XPO6: variants seen among roughly 807,000 people sequenced by gnomAD.
XPO6 encodes exportin-6.
In XPO6, 3 loss-of-function variants were observed where a neutral mutation model predicts 130.0. The ratio of observed to expected loss-of-function variants is 0.02; its 90% CI spans 0.01 to 0.06. The LOEUF is 0.06. Ranked by LOEUF, XPO6 falls within the 10% of genes least tolerant of loss-of-function variation. The pLI, the probability that XPO6 is intolerant of heterozygous loss-of-function variation, is 1.00. For missense variants in XPO6, 970 were observed against 1,393.0 expected, an observed-to-expected ratio of 0.70 and a Z score of 4.83; for synonymous variants, 524 against 548.9, an observed-to-expected ratio of 0.95 and a Z score of 0.63.
intron 2 of XPO6, among the ~76,000 whole-genome samples, chr16:28,180,276 AATCG>A (rs1449035234): frequency 6.6e-6 from 1 of 152,126 alleles, no homozygotes; most frequent in Admixed American, 6.5e-5. Context: ...GAGACAGGAG[AATCG>A]CTTGAACCCA....
chr16:28,112,258 T>C (rs571803885), intron 16 of XPO6, among the ~76,000 whole-genome samples: 3 of 152,326 alleles, frequency 2.0e-5, no homozygotes, highest in East Asian at 3.9e-4. Context: ...TCTAATCTGA[T>C]ACTTGAAGTA....
chr16:28,146,326 C>T, intron 8 of XPO6, 123 bp from the exon 9 acceptor site: 2 of 779,310 alleles, frequency 2.6e-6, no homozygotes, highest in Non-Finnish European at 4.1e-6. Context: ...TCCCCAGTTT[C>T]CTGGTAACCA....
At chr16:28,157,564 A>G (rs1201074899) in intron 6 of XPO6, among the ~76,000 whole-genome samples, 1 of 152,258 alleles carries the variant, frequency 6.6e-6, no homozygotes, top group Non-Finnish European at 1.5e-5. Flanking sequence ...AATTTCTAAC[A>G]TCGAAAAGGA....
intron 23 of XPO6, among the ~76,000 whole-genome samples, chr16:28,099,503 C>A (rs1468884454): frequency 6.6e-6 from 1 of 152,252 alleles, no homozygotes; most frequent in Non-Finnish European, 1.5e-5. Flanking sequence ...GAGCAATCTG[C>A]TTCTGGGGAG....
intron 13 of XPO6, among the ~76,000 whole-genome samples, chr16:28,123,161 G>A (rs1351592669): frequency 1.3e-5 from 2 of 152,106 alleles, no homozygotes; most frequent in Non-Finnish European, 2.9e-5. Context: ...CCAGAGGATT[G>A]TAGTGATCTT....
At chr16:28,123,272 A>C (rs2087292530) in intron 13 of XPO6, among the ~76,000 whole-genome samples, 3 of 151,952 alleles carry the variant, frequency 2.0e-5, no homozygotes. Context: ...CACCCAGCTA[A>C]ATTTTTTTGT....
chr16:28,117,734 G>C (rs964345714), intron 14 of XPO6, among the ~76,000 whole-genome samples: 1 of 152,200 alleles, frequency 6.6e-6, no homozygotes, highest in African/African-American at 2.4e-5. Flanking sequence ...GCTCACCTAA[G>C]AGAAAGGTAA....
chr16:28,185,270 G>C (rs2043676036), intron 1 of XPO6, among the ~76,000 whole-genome samples: 1 of 152,136 alleles, frequency 6.6e-6, no homozygotes, highest in African/African-American at 2.4e-5. Flanking sequence ...TGAGGCAAGA[G>C]GATCACTCGA....
chr16:28,196,482 G>C (rs2043865676), intron 1 of XPO6, among the ~76,000 whole-genome samples: 1 of 152,216 alleles, frequency 6.6e-6, no homozygotes, highest in African/African-American at 2.4e-5. Flanking sequence ...TGTGAAACTA[G>C]AGTGGTGATT....
chr16:28,180,912 T>C, intron 2 of XPO6, 29 bp downstream of exon 2: 7 of 1,585,600 alleles, frequency 4.4e-6, no homozygotes, highest in Non-Finnish European at 6.0e-6. Flanking sequence ...CATTATAAAT[T>C]CCTCTTTACA....
intron 20 of XPO6, 62 bp from the exon 21 acceptor site, chr16:28,104,769 G>A: frequency 1.3e-6 from 2 of 1,590,576 alleles, no homozygotes; most frequent in South Asian, 2.2e-5. Flanking sequence ...CTGGGCCCAG[G>A]GCAGCAAAGA....
intron 6 of XPO6, among the ~76,000 whole-genome samples, chr16:28,163,370 C>T (rs1398765646): frequency 6.6e-6 from 1 of 152,212 alleles, no homozygotes; most frequent in Non-Finnish European, 1.5e-5. Flanking sequence ...TTCATCATCA[C>T]GTATGTACAG....
At chr16:28,158,812 A>G (rs2043223891) in intron 6 of XPO6, among the ~76,000 whole-genome samples, 1 of 152,216 alleles carries the variant, frequency 6.6e-6, no homozygotes, top group Non-Finnish European at 1.5e-5. Flanking sequence ...TAAGCACTCC[A>G]AGTGATTCTT....
chr16:28,147,627 GA>G (rs1246456356), intron 8 of XPO6, among the ~76,000 whole-genome samples: 1 of 152,044 alleles, frequency 6.6e-6, no homozygotes, highest in East Asian at 1.9e-4. Context: ...GAATAACCAG[GA>G]AAAACAATGA....
intron 21 of XPO6, among the ~76,000 whole-genome samples, chr16:28,103,827 T>C (rs987998103): frequency 2.0e-5 from 3 of 152,226 alleles, no homozygotes. Flanking sequence ...GTGTGCATGC[T>C]GTGTGCTAGT....
rs948451091 is a variant in XPO6 at position 28,209,236 on chromosome 16, C to T, written c.3+2130G>A. On this transcript the variant is annotated intron_variant, in intron 1 of 23. Transcript: ENST00000304658. The stretch of plus-strand genomic sequence containing the variant: ...ACCTTTGGAGATATATGGTGGTGAT[C>T]GTTGCACAACAATGTGAATGTTCTT... The T allele has an allele frequency of 2.0e-5, 3 of 152,180 alleles. No individual in the cohort carries two copies. In the East Asian group the frequency reaches 5.8e-4, roughly 29 times the overall value. 9.4% of individuals were successfully genotyped at this position (152,180 alleles called of 1,614,324 possible). A position where few individuals can be genotyped will look rare whatever the true frequency, so the allele number is the denominator to read the frequency against.
chr16:28,144,436 AT>A (rs1225941116), intron 9 of XPO6, among the ~76,000 whole-genome samples: 1 of 152,214 alleles, frequency 6.6e-6, no homozygotes, highest in Non-Finnish European at 1.5e-5. Flanking sequence ...GAGTCTCACT[AT>A]GTTCCCAGCC....
rs182814385 is a variant in XPO6 at position 28,200,493 on chromosome 16, T to C, written c.3+10873A>G. On this transcript the variant is annotated intron_variant, in intron 1 of 23. Coordinates refer to ENST00000304658, the MANE Select transcript of XPO6 (RefSeq NM_015171.4). ...CATACTACTTTTTCTTTCTTTCTTT[T>C]TTTTTTTGAGACGGAGTTTCGTCTG... Among the ~76,000 whole-genome samples the C allele has an allele frequency of 7.2e-5, 11 of 152,030 alleles. No individual in the cohort carries two copies. The South Asian group carries it at 8.3e-4, about 11-fold the overall frequency.
intron 1 of XPO6, among the ~76,000 whole-genome samples, chr16:28,187,336 G>C (rs1305148333): frequency 6.6e-6 from 1 of 152,114 alleles, no homozygotes; most frequent in Non-Finnish European, 1.5e-5. Flanking sequence ...TTGTGTCTTT[G>C]TCTTGTAATC....
Sources: allele counts gnomAD v4.1 joint callset (sites outside exome capture counted in the v4.1 genomes callset), GRCh38; gene constraint gnomAD v4.1.1; transcripts MANE v1.5; gene names NCBI Gene and HGNC (gene_info 2026-07-23, HGNC 2026-07-21).